VIT: variants seen among roughly 807,000 people sequenced by gnomAD.
VIT encodes vitrin.
Under a neutral mutation model 78.0 loss-of-function variants are expected in VIT, and 99 were observed. The observed-to-expected ratio is 1.27, with a 90% confidence interval of 1.08 to 1.50. The LOEUF is 1.50. VIT is among the 40% of genes most tolerant of loss of function. The pLI, the probability that VIT is intolerant of heterozygous loss-of-function variation, is 0.00. For missense variants in VIT, 1,126 were observed against 875.3 expected, an observed-to-expected ratio of 1.29 and a Z score of -3.61; for synonymous variants, 374 against 334.3, an observed-to-expected ratio of 1.12 and a Z score of -1.29.
intron 11 of VIT, among the ~76,000 whole-genome samples, chr2:36,785,053 G>A (rs1273778317): frequency 6.6e-6 from 1 of 152,178 alleles, no homozygotes; most frequent in African/African-American, 2.4e-5. Flanking sequence ...GAGAAAAACT[G>A]CCTGTGAGGA....
At chr2:36,775,964 C>T (rs1670023384) in intron 9 of VIT, among the ~76,000 whole-genome samples, 1 of 152,176 alleles carries the variant, frequency 6.6e-6, no homozygotes, top group Admixed American at 6.5e-5. Flanking sequence ...GTCATGTATA[C>T]AAGGCAAGCT....
intron 3 of VIT, among the ~76,000 whole-genome samples, chr2:36,736,878 A>G (rs1454210306): frequency 6.6e-6 from 1 of 152,218 alleles, no homozygotes; most frequent in African/African-American, 2.4e-5. Flanking sequence ...AAAACCTTTC[A>G]TAAAGTTGAA....
At chr2:36,705,856 T>C (rs974167865) in intron 1 of VIT, among the ~76,000 whole-genome samples, 2 of 152,228 alleles carry the variant, frequency 1.3e-5, no homozygotes, top group Non-Finnish European at 2.9e-5. Flanking sequence ...GCTGAGCACT[T>C]CTTTGTTGTG....
At chr2:36,765,414 C>CGACA (rs1553372915) in intron 6 of VIT, among the ~76,000 whole-genome samples, 5 of 6,450 alleles carry the variant, frequency 7.8e-4, no homozygotes, top group Admixed American at 2.6e-3. Flanking sequence ...TGGCAGCAGG[C>CGACA]GAGAGAGAGA....
intron 14 of VIT, among the ~76,000 whole-genome samples, chr2:36,807,810 C>T (rs1398176679): frequency 6.6e-6 from 1 of 152,194 alleles, no homozygotes; most frequent in Non-Finnish European, 1.5e-5. Flanking sequence ...TTGTCTGGTT[C>T]TGAAGGTGAA....
chr2:36,745,110 G>A (rs563184074), intron 4 of VIT, among the ~76,000 whole-genome samples: 2 of 151,982 alleles, frequency 1.3e-5, no homozygotes, highest in Admixed American at 6.6e-5. Context: ...CAACTTTGTG[G>A]ACAATCAGAT....
intron 15 of VIT, among the ~76,000 whole-genome samples, chr2:36,809,987 T>C (rs1667033947): frequency 1.7e-5 from 1 of 60,258 alleles, no homozygotes; most frequent in Non-Finnish European, 2.5e-5. Context: ...CAAGATCCTG[T>C]CTCAAAAAAA....
chr2:36,809,381 G>C (rs1666986107), intron 15 of VIT, among the ~76,000 whole-genome samples: 1 of 152,126 alleles, frequency 6.6e-6, no homozygotes, highest in Non-Finnish European at 1.5e-5. Flanking sequence ...AATTGTACTG[G>C]TACTTAGACC....
rs1422364042 is a variant in VIT at position 36,775,037 on chromosome 2, C to T, written c.772C>T (p.Gln258Ter). 2.5e-6 allele frequency: 4 copies of T among 1,614,102 alleles called. No homozygotes were observed. In the East Asian group the frequency reaches 6.7e-5, roughly 27 times the overall value. The change falls in exon 9 of 16, where the codon CAG (glutamine) becomes TAG (stop). Residue 258 changes from glutamine (Q) to a stop codon, truncating the protein, a stop_gained. Coordinates refer to ENST00000379242, the MANE Select transcript of VIT (RefSeq NM_053276.4). LOFTEE classifies it high-confidence loss of function. ...QRQDPSGAAFQKPVGADVSLG... is the reference protein window; with the variant it reads ...QRQDPSGAAF ...GCAAGATCCTTCAGGAGCTGCCTTCCAGAAACCTGTTGGAGCGGATGTCAG... is the reference window on the plus strand; with the variant it reads ...GCAAGATCCTTCAGGAGCTGCCTTCTAGAAACCTGTTGGAGCGGATGTCAG...
intron 4 of VIT, among the ~76,000 whole-genome samples, chr2:36,747,077 G>T (rs1024347982): frequency 6.6e-6 from 1 of 152,184 alleles, no homozygotes; most frequent in African/African-American, 2.4e-5. Flanking sequence ...TTCAGGAGTA[G>T]GTTGTTTAAT....
rs1669494684 is a variant in VIT, at chr2:36,767,302, T to C, written c.679+17T>C. Reference sequence around the variant, plus strand: ...AGGAGATGGGTCAGTAGGTAGACCATGTGTTGCTTTGTGCTAGGGAAATGG... The same window carrying C: ...AGGAGATGGGTCAGTAGGTAGACCACGTGTTGCTTTGTGCTAGGGAAATGG... On this transcript the variant is annotated intron_variant, in intron 7 of 15. Coordinates refer to ENST00000379242, the MANE Select transcript of VIT (RefSeq NM_053276.4). 2 of 1,502,588 alleles carry C rather than the reference T, an allele frequency of 1.3e-6. No homozygotes were observed. The highest frequency in any genetic ancestry group is 1.8e-6 in the Non-Finnish European group (2 of 1,125,226). 93.1% of individuals were successfully genotyped at this position (1,502,588 alleles called of 1,614,324 possible). A position where few individuals can be genotyped will look rare whatever the true frequency, so the allele number is the denominator to read the frequency against.
intron 9 of VIT, among the ~76,000 whole-genome samples, chr2:36,779,349 C>T (rs572757143): frequency 7.2e-5 from 11 of 152,234 alleles, no homozygotes; most frequent in African/African-American, 2.2e-4. Context: ...TGACTTAATA[C>T]GTAGAAAGTG....
At chr2:36,740,365 T>C (rs1343233962) in intron 3 of VIT, among the ~76,000 whole-genome samples, 1 of 152,176 alleles carries the variant, frequency 6.6e-6, no homozygotes, top group African/African-American at 2.4e-5. Context: ...AAACAAACCA[T>C]AGTTTCCATA....
intron 2 of VIT, 38 bp from the exon 3 acceptor site, chr2:36,729,388 T>C: frequency 3.3e-6 from 5 of 1,536,066 alleles, no homozygotes; most frequent in Non-Finnish European, 4.4e-6. Context: ...TTAAGTAAAA[T>C]AAAATTGATT....
At chr2:36,811,316 G>A (rs1667149727) in intron 15 of VIT, among the ~76,000 whole-genome samples, 1 of 152,214 alleles carries the variant, frequency 6.6e-6, no homozygotes, top group Admixed American at 6.5e-5. Flanking sequence ...TCTGTCCCCA[G>A]TTTGTGCTCA....
intron 3 of VIT, among the ~76,000 whole-genome samples, chr2:36,737,692 C>T (rs1006403000): frequency 6.6e-6 from 1 of 152,214 alleles, no homozygotes; most frequent in Non-Finnish European, 1.5e-5. Flanking sequence ...GACTTAGTTA[C>T]TTAATGCATT....
rs760331002 is a variant in VIT, at chr2:36,787,123, C to G, written c.911-6C>G. 6.2e-7 allele frequency: 1 copy of G among 1,614,058 alleles called. No individual in the cohort carries two copies. The highest frequency in any genetic ancestry group is 1.1e-5 in the South Asian group (1 of 91,060). On this transcript the variant is annotated splice_region_variant and splice_polypyrimidine_tract_variant and intron_variant, in intron 11 of 15. Transcript: ENST00000379242. ...GAGAATAATAGAGTCTTTTTCCGTT[C>G]CGCAGACTGCAAAATTGACTTGTCG...
intron 6 of VIT, among the ~76,000 whole-genome samples, chr2:36,760,240 G>A (rs924101851): frequency 1.1e-4 from 17 of 152,074 alleles, no homozygotes; most frequent in African/African-American, 3.1e-4. Flanking sequence ...TGATCCTCCC[G>A]CCTCGGCCTT....
At chr2:36,744,583 A>C (rs1043442502) in intron 4 of VIT, among the ~76,000 whole-genome samples, 5 of 152,142 alleles carry the variant, frequency 3.3e-5, no homozygotes, top group African/African-American at 1.2e-4. Flanking sequence ...AGTGATGATG[A>C]GTATTTTTTC....
Sources: gnomAD v4.1 joint callset for allele counts (sites outside exome capture counted in the v4.1 genomes callset) on GRCh38, gnomAD v4.1.1 for gene constraint, MANE v1.5 for transcripts, NCBI Gene and HGNC (gene_info 2026-07-23, HGNC 2026-07-21) for gene names.